Variants in DARS1 observed in about 807,000 individuals in gnomAD.
The protein encoded by DARS1 is aspartate--tRNA ligase, cytoplasmic.
In DARS1, 51 loss-of-function variants were observed where a neutral mutation model predicts 68.8. The ratio of observed to expected loss-of-function variants is 0.74; its 90% confidence interval spans 0.59 to 0.94. The LOEUF (loss-of-function observed/expected upper bound fraction) is 0.94, where lower values mean the gene tolerates loss of function less well. Ranked by LOEUF, DARS1 falls within the 40% of genes least tolerant of loss-of-function variation. DARS1 has a pLI of 0.00. For missense variants in DARS1, 607 were observed against 597.3 expected (o/e 1.02, Z -0.17); for synonymous variants, 203 against 190.4 (o/e 1.07, Z -0.55).
At chr2:135,970,945 A>C (rs1682355775) in intron 3 of DARS1, among the ~76,000 whole-genome samples, 1 of 152,194 alleles carries the variant, frequency 6.6e-6, no homozygotes. Context: ...ACAAGATTAA[A>C]GCCGTAATAA....
intron 3 of DARS1, among the ~76,000 whole-genome samples, chr2:135,977,881 G>A (rs1682534417): frequency 6.6e-6 from 1 of 151,954 alleles, no homozygotes; most frequent in Non-Finnish European, 1.5e-5. Context: ...AGTGACTTAT[G>A]CCTGTAATCC....
At chr2:135,984,625 C>T (rs1421891588) in intron 1 of DARS1, among the ~76,000 whole-genome samples, 1 of 152,206 alleles carries the variant, frequency 6.6e-6, no homozygotes, top group Admixed American at 6.5e-5. Context: ...ATTTCAGTGA[C>T]TCTTCCTCAT....
intron 4 of DARS1, among the ~76,000 whole-genome samples, chr2:135,954,345 AGAG>A (rs1369515162): frequency 5.5e-5 from 8 of 145,464 alleles, no homozygotes; most frequent in African/African-American, 7.6e-5. Flanking sequence ...AAAAAAAAAA[AGAG>A]AGAGAGAACA....
rs12613540 is a variant in DARS1, at chr2:135,910,269, T to C, written c.1414+870A>G. ...CTGTTTTTCATAATGGCTGTACCAA[T>C]TTTACATTCCCATCAACTATTTACA... On this transcript the variant is annotated intron_variant, in intron 15 of 15. Transcript: ENST00000264161. Among the ~76,000 whole-genome samples, 11 of 152,308 alleles carry C rather than the reference T, an allele frequency of 7.2e-5. No individual in the cohort carries two copies. In the East Asian group the frequency reaches 2.1e-3, roughly 29 times the overall value.
intron 7 of DARS1, 137 bp from the exon 8 acceptor site, chr2:135,924,635 A>G (rs1681176393): frequency 7.6e-7 from 1 of 1,311,140 alleles, no homozygotes; most frequent in Non-Finnish European, 1.0e-6. Flanking sequence ...GAGAAGACGA[A>G]AGGACACGAA....
At chr2:135,975,300 G>GT (rs1682470604) in intron 3 of DARS1, among the ~76,000 whole-genome samples, 1 of 152,090 alleles carries the variant, frequency 6.6e-6, no homozygotes, top group South Asian at 2.1e-4. Flanking sequence ...AGCGGAGACT[G>GT]TGCCACTGCA....
chr2:135,961,971 T>G (rs549893524), intron 3 of DARS1, among the ~76,000 whole-genome samples: 2 of 152,304 alleles, frequency 1.3e-5, no homozygotes, highest in African/African-American at 2.4e-5. Context: ...TATGGGGTGG[T>G]CCATCTACAG....
Position 135,922,842 on chromosome 2 carries a change from C to T in DARS1, c.753G>A (p.Gln251=), listed in dbSNP as rs145963861. ...CACAAATGCACATTTGCTTATATAG[C>T]TGTGGGGACTGAGCCAGGTATGCAT... is the stretch of plus-strand genomic sequence containing the variant. ...KNNAYLAQSP[Q]LYKQMCICAD... is the part of the protein sequence containing the mutation. Residue 251 remains glutamine, a synonymous_variant, in exon 9 of 16, where the codon CAG becomes CAA. Coordinates refer to ENST00000264161, the MANE Select transcript of DARS1 (RefSeq NM_001349.4). The T allele has an allele frequency of 7.1e-5, 113 of 1,591,480 alleles. 1 individual carries two copies. In the Middle Eastern group the frequency reaches 1.2e-3, roughly 16 times the overall value.
chr2:135,910,983 A>G (rs1037731246), intron 15 of DARS1, 156 bp downstream of exon 15: 5 of 549,156 alleles, frequency 9.1e-6, no homozygotes, highest in East Asian at 3.1e-5. Context: ...CTTTATGACA[A>G]TAATATTTTA....
chr2:135,980,016 C>T (rs1277789283), intron 2 of DARS1, among the ~76,000 whole-genome samples: 3 of 152,190 alleles, frequency 2.0e-5, no homozygotes, highest in East Asian at 1.9e-4. Flanking sequence ...TTGCAGGATT[C>T]GAGAAGGAGG....
At chr2:135,948,163 C>T (rs532056151) in intron 4 of DARS1, among the ~76,000 whole-genome samples, 1 of 152,298 alleles carries the variant, frequency 6.6e-6, no homozygotes, top group East Asian at 1.9e-4. Flanking sequence ...AAAATAGAAG[C>T]TGTTTTTCCT....
intron 4 of DARS1, among the ~76,000 whole-genome samples, chr2:135,943,810 T>C (rs1681659032): frequency 6.6e-6 from 1 of 152,186 alleles, no homozygotes; most frequent in Admixed American, 6.5e-5. Flanking sequence ...CTCCCTATTT[T>C]TGAGAATCAC....
At chr2:135,946,434 T>C (rs1399149588) in intron 4 of DARS1, among the ~76,000 whole-genome samples, 1 of 152,214 alleles carries the variant, frequency 6.6e-6, no homozygotes, top group Admixed American at 6.5e-5. Context: ...AGTGTTTATG[T>C]ATAAATTAAC....
chr2:135,969,168 T>C (rs1002922456), intron 3 of DARS1, among the ~76,000 whole-genome samples: 1 of 152,124 alleles, frequency 6.6e-6, no homozygotes, highest in Non-Finnish European at 1.5e-5. Flanking sequence ...GGAGAAATAC[T>C]ACCTCGTGTA....
At chr2:135,942,067 G>T (rs1253936912) in intron 5 of DARS1, among the ~76,000 whole-genome samples, 7 of 152,222 alleles carry the variant, frequency 4.6e-5, no homozygotes, top group South Asian at 2.1e-4. Flanking sequence ...GACTGTAAAC[G>T]AGTTCAACCA....
intron 1 of DARS1, among the ~76,000 whole-genome samples, chr2:135,984,754 T>C (rs988937151): frequency 6.6e-6 from 1 of 152,094 alleles, no homozygotes; most frequent in African/African-American, 2.4e-5. Flanking sequence ...CACACATAAC[T>C]TGTAGGATGG....
chr2:135,907,260 T>TTTTTTTTTTTTTTG lies in DARS1; in HGVS notation c.*55_*56insCAAAAAAAAAAAAA. ...TGGCTTTCTTTTTTTTTTTTTTTTT[T>TTTTTTTTTTTTTTG]TGAGGCAGGGTCTCGCTCTGTCATC... On this transcript the variant is annotated 3_prime_UTR_variant, in exon 16 of 16. Transcript: ENST00000264161. 1 of 965,500 alleles carries TTTTTTTTTTTTTTG rather than the reference T, an allele frequency of 1.0e-6. No homozygotes were observed. Among genetic ancestry groups the TTTTTTTTTTTTTTG allele is most frequent in the Non-Finnish European group, 1.5e-6 (1 of 664,452 alleles). The allele number at this position is 965,500 out of a possible 1,614,324, so 59.8% of individuals were successfully genotyped here.
intron 3 of DARS1, among the ~76,000 whole-genome samples, chr2:135,971,566 A>G (rs1682370192): frequency 6.6e-6 from 1 of 152,220 alleles, no homozygotes; most frequent in African/African-American, 2.4e-5. Flanking sequence ...CTGTTATTCA[A>G]CATAGGACTA....
At chr2:135,967,007 G>A (rs980068904) in intron 3 of DARS1, among the ~76,000 whole-genome samples, 2 of 152,146 alleles carry the variant, frequency 1.3e-5, no homozygotes, top group Non-Finnish European at 2.9e-5. Flanking sequence ...ATGGTAGGTA[G>A]TTAGGACAAA....
Sources: allele counts gnomAD v4.1 joint callset (sites outside exome capture counted in the v4.1 genomes callset), GRCh38; gene constraint gnomAD v4.1.1; transcripts MANE v1.5; gene names NCBI Gene and HGNC (gene_info 2026-07-23, HGNC 2026-07-21).